Variants in DOK6 observed in about 807,000 individuals in gnomAD.
DOK6 encodes downstream of tyrosine kinase 6.
DOK6 carries 22 observed loss-of-function variants against 44.0 expected under a neutral mutation model. The ratio of observed to expected loss-of-function variants is 0.50; its 90% CI spans 0.36 to 0.71. DOK6 has a LOEUF of 0.71. Ranked by LOEUF, DOK6 falls within the 30% of genes least tolerant of loss-of-function variation. DOK6 has a pLI of 0.00. For synonymous variants in DOK6, 166 were observed against 145.5 expected, an observed-to-expected ratio of 1.14 and a Z score of -1.01; for missense variants, 340 against 416.4, an observed-to-expected ratio of 0.82 and a Z score of 1.60.
At chr18:69,711,471 C>T (rs1480241757) in intron 5 of DOK6, among the ~76,000 whole-genome samples, 2 of 152,162 alleles carry the variant, frequency 1.3e-5, no homozygotes, top group Non-Finnish European at 2.9e-5. Context: ...TGATTAAAAA[C>T]AAAGCAATTA....
At chr18:69,633,232 A>G (rs1324401850) in intron 3 of DOK6, among the ~76,000 whole-genome samples, 1 of 152,196 alleles carries the variant, frequency 6.6e-6, no homozygotes, top group Non-Finnish European at 1.5e-5. Flanking sequence ...GACTTGAATT[A>G]ATTTATTTTT....
chr18:69,682,620 A>G (rs538171744), intron 4 of DOK6, among the ~76,000 whole-genome samples: 1 of 152,336 alleles, frequency 6.6e-6, no homozygotes, highest in East Asian at 1.9e-4. Flanking sequence ...TCCATTGGCC[A>G]AGGCAAGTCC....
At chr18:69,595,412 T>A (rs2144619502) in intron 2 of DOK6, among the ~76,000 whole-genome samples, 1 of 152,332 alleles carries the variant, frequency 6.6e-6, no homozygotes, top group Admixed American at 6.5e-5. Flanking sequence ...AAGAACAAGA[T>A]GATTTTTTTC....
At chr18:69,467,405 C>T (rs1338261244) in intron 1 of DOK6, among the ~76,000 whole-genome samples, 1 of 151,934 alleles carries the variant, frequency 6.6e-6, no homozygotes, top group Non-Finnish European at 1.5e-5. Context: ...GAATCAGGAA[C>T]ATGAGGTGAT....
In DOK6 at chr18:69,695,820, T is replaced by G. The variant is rs541014398; in HGVS notation, c.410-2584T>G. On this transcript the variant is annotated intron_variant, in intron 4 of 7. Coordinates refer to ENST00000382713, the MANE Select transcript of DOK6 (RefSeq NM_152721.6). ...ATATAATCTTAGCATAATGTCTTTCTAAAGTTGCAAGAAATAGCATCCAAA... is the reference window on the plus strand; with the variant it reads ...ATATAATCTTAGCATAATGTCTTTCGAAAGTTGCAAGAAATAGCATCCAAA... Among the ~76,000 whole-genome samples, 46 of 152,218 alleles carry G rather than the reference T, an allele frequency of 3.0e-4. 1 individual carries two copies. Among genetic ancestry groups the G allele is most frequent in the Non-Finnish European group, 4.4e-5 (3 of 68,040 alleles).
rs984951687 is a variant in DOK6 at position 69,401,072 on chromosome 18, G to T, written c.-173G>T. Reference sequence around the variant, plus strand: ...CGGGCCCCGTTCCCCGTCCGCGGCGGCCCTGCAGGCGACCCCGCGTCCCCA... The same window carrying T: ...CGGGCCCCGTTCCCCGTCCGCGGCGTCCCTGCAGGCGACCCCGCGTCCCCA... On this transcript the variant is annotated 5_prime_UTR_variant, in exon 1 of 8. Coordinates refer to ENST00000382713, the MANE Select transcript of DOK6 (RefSeq NM_152721.6). The T allele has an allele frequency of 3.7e-5, 14 of 377,602 alleles. No homozygotes were observed. The highest frequency in any genetic ancestry group is 1.9e-3 in the Middle Eastern group (2 of 1,068). The allele number at this position is 377,602 out of a possible 1,614,324, so 23.4% of individuals were successfully genotyped here.
rs564211866 is a variant in DOK6, at chr18:69,790,581, A to G, written c.856+32708A>G. Among the ~76,000 whole-genome samples, 8 of 152,246 alleles carry G rather than the reference A, an allele frequency of 5.3e-5. No individual in the cohort carries two copies. The South Asian group carries it at 1.7e-3, about 32-fold the overall frequency. On this transcript the variant is annotated intron_variant, in intron 7 of 7. Coordinates refer to ENST00000382713, the MANE Select transcript of DOK6 (RefSeq NM_152721.6). The stretch of plus-strand genomic sequence containing the variant: ...GACAATATTAAGATCTTGGTTTTCT[A>G]TATTTAGTAATATGTGCAGTAATGC...
intron 3 of DOK6, among the ~76,000 whole-genome samples, chr18:69,645,265 A>T (rs914504303): frequency 1.1e-4 from 16 of 152,192 alleles, no homozygotes; most frequent in Non-Finnish European, 7.3e-5. Context: ...AGGTGCATGC[A>T]CCACACTCCT....
At chr18:69,756,911 A>C (rs1466310454) in intron 6 of DOK6, among the ~76,000 whole-genome samples, 5 of 152,242 alleles carry the variant, frequency 3.3e-5, no homozygotes, top group Non-Finnish European at 4.4e-5. Context: ...GTCAAAAAGT[A>C]AACATTTCCT....
rs1304049707 is a variant in DOK6 at position 69,837,583 on chromosome 18, A to AT, written c.857-3661_857-3660insT. ...GCAGGTGTTCAGCAAAAAAAAAAAA[A>AT]AGTGCAAGAATATCACCCCTTTAGT... On this transcript the variant is annotated intron_variant, in intron 7 of 7. Transcript: ENST00000382713. Among the ~76,000 whole-genome samples the AT allele has an allele frequency of 3.3e-5, 5 of 151,926 alleles. No homozygotes were observed. In the East Asian group the frequency reaches 5.8e-4, roughly 18 times the overall value.
rs547734432 is a variant in DOK6, at chr18:69,492,921, T to C, written c.67-71566T>C. Among the ~76,000 whole-genome samples, 4 of 151,882 alleles carry C rather than the reference T, an allele frequency of 2.6e-5. No homozygotes were observed. In the East Asian group the frequency reaches 7.7e-4, roughly 29 times the overall value. ...TTTAGCTTCAAACCCAGCTCTGTCA[T>C]TTACTACCTGTGCTTTTTCCTTTTC... On this transcript the variant is annotated intron_variant, in intron 1 of 7. Coordinates refer to ENST00000382713, the MANE Select transcript of DOK6 (RefSeq NM_152721.6).
At chr18:69,736,784 A>C (rs1760478009) in intron 5 of DOK6, among the ~76,000 whole-genome samples, 1 of 152,196 alleles carries the variant, frequency 6.6e-6, no homozygotes, top group Non-Finnish European at 1.5e-5. Flanking sequence ...TACGTCTTCT[A>C]ATATGTCCTC....
intron 2 of DOK6, among the ~76,000 whole-genome samples, chr18:69,572,941 T>A (rs1983150300): frequency 6.6e-6 from 1 of 151,476 alleles, no homozygotes; most frequent in Admixed American, 6.6e-5. Flanking sequence ...TTAGAAAATG[T>A]TTTCAAGAAG....
chr18:69,816,183 G>A (rs892637690), intron 7 of DOK6, among the ~76,000 whole-genome samples: 1 of 152,130 alleles, frequency 6.6e-6, no homozygotes, highest in Non-Finnish European at 1.5e-5. Context: ...CGCTCCCACT[G>A]CTCCTATTTT....
chr18:69,695,453 G>A (rs1391021576), intron 4 of DOK6, among the ~76,000 whole-genome samples: 1 of 152,172 alleles, frequency 6.6e-6, no homozygotes, highest in African/African-American at 2.4e-5. Context: ...GTTTCACAAA[G>A]ATAAACATTT....
At chr18:69,523,229 G>A (rs556420790) in intron 1 of DOK6, among the ~76,000 whole-genome samples, 1 of 152,176 alleles carries the variant, frequency 6.6e-6, no homozygotes, top group African/African-American at 2.4e-5. Context: ...TTCCACGGAT[G>A]ACAGAGTGAA....
chr18:69,498,308 A>G (rs1980951357), intron 1 of DOK6, among the ~76,000 whole-genome samples: 3 of 152,182 alleles, frequency 2.0e-5, no homozygotes, highest in Admixed American at 2.0e-4. Context: ...TGTAGTATTG[A>G]AACAAAATAG....
chr18:69,507,316 C>T (rs898904400), intron 1 of DOK6, among the ~76,000 whole-genome samples: 11 of 152,028 alleles, frequency 7.2e-5, no homozygotes, highest in African/African-American at 2.4e-4. Context: ...CGTGAGCCAC[C>T]GTGCCCAGCC....
Position 69,757,821 on chromosome 18 carries a change from C to A in DOK6, c.804C>A (p.Tyr268Ter). 1 of 1,614,170 alleles carries A rather than the reference C, an allele frequency of 6.2e-7. No individual in the cohort carries two copies. The highest frequency in any genetic ancestry group is 8.5e-7 in the Non-Finnish European group (1 of 1,179,992). Residue 268 changes from tyrosine (Y) to a stop codon, truncating the protein, a stop_gained, in exon 7 of 8, where the codon TAC becomes TAA. Transcript: ENST00000382713. LOFTEE classifies it high-confidence loss of function. ...CAATATCTCTTCCTCGCAGCGCGTA[C>A]TGGCATCACATCACTCGTCAGAACA... ...SKSISLPRSA[Y>*]WHHITRQNSV...
Sources: allele counts gnomAD v4.1 joint callset (sites outside exome capture counted in the v4.1 genomes callset), GRCh38; gene constraint gnomAD v4.1.1; transcripts MANE v1.5; gene names NCBI Gene and HGNC (gene_info 2026-07-23, HGNC 2026-07-21).